SRFBP1: variants seen among roughly 807,000 people sequenced by gnomAD.
SRFBP1 encodes the protein serum response factor binding protein 1, also known as serum response factor-binding protein 1.
SRFBP1 carries 47 observed loss-of-function variants against 45.5 expected under a neutral mutation model. The observed-to-expected ratio is 1.03, with a 90% confidence interval of 0.82 to 1.32. The LOEUF is 1.32. Among genes scored for constraint, SRFBP1 ranks in the 40% most tolerant of loss-of-function variants. SRFBP1 has a pLI of 0.00. For synonymous variants in SRFBP1, 203 were observed against 166.3 expected, an observed-to-expected ratio of 1.22 and a Z score of -1.70; for missense variants, 621 against 484.6, an observed-to-expected ratio of 1.28 and a Z score of -2.64.
At chr5:122,067,562 C>T (rs1375417687) in intron 2 of SRFBP1, among the ~76,000 whole-genome samples, 2 of 152,100 alleles carry the variant, frequency 1.3e-5, no homozygotes, top group African/African-American at 4.8e-5. Flanking sequence ...CCAGACTGAC[C>T]TGATGGCCTT....
intron 2 of SRFBP1, among the ~76,000 whole-genome samples, chr5:122,059,253 G>C (rs1287885101): frequency 6.6e-6 from 1 of 152,128 alleles, no homozygotes; most frequent in East Asian, 1.9e-4. Context: ...GGACTAAAAG[G>C]CATCTCTGGT....
chr5:121,979,936 A>G (rs1273273970), intron 3 of SRFBP1, among the ~76,000 whole-genome samples: 2 of 152,172 alleles, frequency 1.3e-5, no homozygotes, highest in African/African-American at 4.8e-5. Flanking sequence ...AGCATCCTTA[A>G]CAAGGGACAG....
At chr5:121,999,217 C>G (rs962691953) in intron 4 of SRFBP1, among the ~76,000 whole-genome samples, 1 of 151,914 alleles carries the variant, frequency 6.6e-6, no homozygotes, top group Non-Finnish European at 1.5e-5. Flanking sequence ...TCCTTTGAAC[C>G]CTCTTTGATT....
intron 3 of SRFBP1, among the ~76,000 whole-genome samples, chr5:121,988,630 A>T (rs1752564472): frequency 6.6e-6 from 1 of 152,212 alleles, no homozygotes. Flanking sequence ...GTAAGCATGA[A>T]TTGCCTGCAT....
At chr5:122,043,142 A>G (rs897310063) in intron 2 of SRFBP1, among the ~76,000 whole-genome samples, 1 of 152,114 alleles carries the variant, frequency 6.6e-6, no homozygotes, top group Admixed American at 6.6e-5. Context: ...TTCTTAAATA[A>G]TAGTCTAATA....
At chr5:122,066,724 G>C (rs1375426769) in intron 2 of SRFBP1, 3 of 1,596,980 alleles carry the variant, frequency 1.9e-6, no homozygotes, top group East Asian at 2.2e-5. Context: ...TTTATCCATT[G>C]GGAGTTTTGC....
chr5:122,064,717 TC>T (rs1754252965), intron 2 of SRFBP1: 1 of 151,990 alleles, frequency 6.6e-6, no homozygotes, highest in African/African-American at 2.4e-5. Context: ...TTATAGACAG[TC>T]TTTTTTATGT....
chr5:121,970,761 T>C (rs1044850981), intron 1 of SRFBP1, among the ~76,000 whole-genome samples: 3 of 152,142 alleles, frequency 2.0e-5, no homozygotes, highest in Non-Finnish European at 4.4e-5. Flanking sequence ...CCAATATTTA[T>C]TGGACACATA....
At chr5:121,999,348 A>G (rs1269889603) in intron 4 of SRFBP1, among the ~76,000 whole-genome samples, 1 of 151,888 alleles carries the variant, frequency 6.6e-6, no homozygotes, top group Admixed American at 6.6e-5. Context: ...TGTGATTTCT[A>G]TTCTTTTCAA....
intron 2 of SRFBP1, chr5:122,069,863 C>T: frequency 3.3e-6 from 2 of 608,732 alleles, no homozygotes; most frequent in South Asian, 3.0e-5. Context: ...AAACTAAAAA[C>T]CTTAGTACAT....
At chr5:122,063,615 A>T (rs911222061) in intron 2 of SRFBP1, 1 of 151,906 alleles carries the variant, frequency 6.6e-6, no homozygotes, top group African/African-American at 2.4e-5. Flanking sequence ...GAATATGTTG[A>T]TTGTGAATAT....
Position 122,019,237 on chromosome 5 carries a change from T to C in SRFBP1, c.271-23T>C, listed in dbSNP as rs753501153. On this transcript the variant is annotated intron_variant, in intron 4 of 7. Transcript: ENST00000339397. ...TCATTTTTATTTCATTCCCATACGT[T>C]TATTATATTTTTAAATTTGCAGCCA... The C allele has an allele frequency of 1.0e-5, 16 of 1,589,634 alleles. No homozygotes were observed. In the African/African-American group the frequency reaches 2.2e-4, roughly 21 times the overall value.
At chr5:122,050,448 G>A (rs1166255374) in intron 2 of SRFBP1, among the ~76,000 whole-genome samples, 1 of 152,010 alleles carries the variant, frequency 6.6e-6, no homozygotes, top group East Asian at 1.9e-4. Context: ...CAGGGATTCA[G>A]CTTCTCCTGA....
intron 3 of SRFBP1, among the ~76,000 whole-genome samples, chr5:121,985,972 CTTGGCTACAGA>C (rs1720648154): frequency 6.6e-6 from 1 of 151,766 alleles, no homozygotes; most frequent in African/African-American, 2.4e-5. Flanking sequence ...GAGAAATTAT[CTTGGCTACAGA>C]TGGAGATTTT....
intron 4 of SRFBP1, among the ~76,000 whole-genome samples, chr5:121,998,762 C>T (rs893351656): frequency 6.6e-6 from 1 of 151,776 alleles, no homozygotes; most frequent in African/African-American, 2.4e-5. Flanking sequence ...TGTTTTTTCA[C>T]CCTCTTTTTA....
intron 7 of SRFBP1, among the ~76,000 whole-genome samples, chr5:122,024,283 G>A (rs146776032): frequency 6.6e-6 from 1 of 152,156 alleles, no homozygotes; most frequent in Non-Finnish European, 1.5e-5. Flanking sequence ...TGGCACATGG[G>A]TTGCTTACTT....
intron 3 of SRFBP1, among the ~76,000 whole-genome samples, chr5:121,992,395 G>GTTGTT (rs906457574): frequency 2.6e-5 from 4 of 151,610 alleles, no homozygotes; most frequent in African/African-American, 9.7e-5. Flanking sequence ...TGTTGTTGTT[G>GTTGTT]TTGTTTTGTT....
At chr5:122,014,435 G>A (rs760880306) in intron 4 of SRFBP1, among the ~76,000 whole-genome samples, 29 of 151,922 alleles carry the variant, frequency 1.9e-4, no homozygotes, top group Non-Finnish European at 3.4e-4. Context: ...GTGACTCTCC[G>A]GGGATTATGC....
At position 122,074,134 on chromosome 5, in the gene SRFBP1, T is replaced by C; in HGVS notation, n.312-1181T>C. 6.2e-7 allele frequency: 1 copy of C among 1,614,136 alleles called. No homozygotes were observed. ...CCTCTGGGTGTTGGCATCAAGCAGG[T>C]CATAGTGGCTAAACTCATCCATACT... On this transcript the variant is annotated intron_variant and non_coding_transcript_variant, in intron 2 of 2. Coordinates refer to the SRFBP1 transcript ENST00000504881.
Sources: gnomAD v4.1 joint callset for allele counts (sites outside exome capture counted in the v4.1 genomes callset) on GRCh38, gnomAD v4.1.1 for gene constraint, MANE v1.5 for transcripts, NCBI Gene and HGNC (gene_info 2026-07-23, HGNC 2026-07-21) for gene names.